The following ADAM32 variants were observed in gnomAD, a reference collection of about 807,000 sequenced individuals.
ADAM32 encodes ADAM metallopeptidase domain 32.
Under a neutral mutation model 114.9 loss-of-function variants are expected in ADAM32, and 89 were observed. The ratio of observed to expected loss-of-function variants is 0.77; its 90% CI spans 0.65 to 0.92. The LOEUF (loss-of-function observed/expected upper bound fraction) is 0.92. Ranked by LOEUF, ADAM32 falls within the 40% of genes least tolerant of loss-of-function variation. The probability of loss-of-function intolerance (pLI) is 0.00; values close to 1 mark genes in which losing one functional copy is unlikely to be tolerated. For synonymous variants in ADAM32, 285 were observed against 307.5 expected (o/e 0.93, Z 0.77); for missense variants, 870 against 932.8 (o/e 0.93, Z 0.88).
At chr8:39,149,705 GA>G in intron 4 of ADAM32, 85 bp from the exon 5 acceptor site, 1 of 936,602 alleles carries the variant, frequency 1.1e-6, no homozygotes, top group Non-Finnish European at 1.6e-6. Flanking sequence ...AAAATATTCA[GA>G]AGGTTCTATC....
chr8:39,243,934 A>G (rs970233385), intron 16 of ADAM32, among the ~76,000 whole-genome samples: 1 of 152,196 alleles, frequency 6.6e-6, no homozygotes, highest in Non-Finnish European at 1.5e-5. Context: ...AATTCAGTAA[A>G]GTTTCAGGAT....
intron 2 of ADAM32, among the ~76,000 whole-genome samples, chr8:39,132,857 T>C (rs1353063409): frequency 6.6e-6 from 1 of 152,188 alleles, no homozygotes; most frequent in Non-Finnish European, 1.5e-5. Context: ...CTTCCTTGTA[T>C]GTGATGAGTT....
At chr8:39,181,251 C>T (rs546381568) in intron 10 of ADAM32, among the ~76,000 whole-genome samples, 1 of 152,344 alleles carries the variant, frequency 6.6e-6, no homozygotes, top group Admixed American at 6.5e-5. Flanking sequence ...CGAAGATCTG[C>T]AGCTTCTCTC....
At chr8:39,175,060 A>G (rs1805438214) in intron 10 of ADAM32, among the ~76,000 whole-genome samples, 1 of 152,148 alleles carries the variant, frequency 6.6e-6, no homozygotes, top group South Asian at 2.1e-4. Context: ...CTGAAGTTGC[A>G]TATTAGCTTA....
chr8:39,199,368 A>T (rs1271318702), intron 11 of ADAM32, among the ~76,000 whole-genome samples: 5 of 152,052 alleles, frequency 3.3e-5, no homozygotes, highest in African/African-American at 4.8e-5. Flanking sequence ...ATGCTGTTTC[A>T]TGTGTCATGT....
intron 9 of ADAM32, chr8:39,169,318 G>A (rs1805050228): frequency 6.6e-6 from 1 of 152,276 alleles, no homozygotes; most frequent in Admixed American, 6.5e-5. Context: ...TACCTTGAGA[G>A]AGTTACTTAT....
chr8:39,173,432 G>GTT (rs566781349), intron 10 of ADAM32, among the ~76,000 whole-genome samples: 1 of 146,700 alleles, frequency 6.8e-6, no homozygotes, highest in South Asian at 2.2e-4. Context: ...GTGCTGTTGA[G>GTT]TTTTTTTTTT....
chr8:39,179,143 A>G (rs1377762442), intron 10 of ADAM32, among the ~76,000 whole-genome samples: 1 of 152,070 alleles, frequency 6.6e-6, no homozygotes. Flanking sequence ...CGGCTGAACC[A>G]CAGAGACTAT....
intron 2 of ADAM32, among the ~76,000 whole-genome samples, chr8:39,135,438 A>G (rs1802738026): frequency 6.6e-6 from 1 of 152,218 alleles, no homozygotes; most frequent in Admixed American, 6.5e-5. Context: ...AAAAATTGCT[A>G]AAAGACTACA....
intron 1 of ADAM32, among the ~76,000 whole-genome samples, chr8:39,111,390 A>G (rs1385887958): frequency 6.6e-6 from 1 of 152,196 alleles, no homozygotes; most frequent in Non-Finnish European, 1.5e-5. Context: ...GTTGGTTGAT[A>G]TCCACAAAAT....
intron 12 of ADAM32, chr8:39,221,329 G>A (rs935531017): frequency 3.5e-6 from 1 of 287,504 alleles, no homozygotes. Context: ...GTAGCATATA[G>A]TGAGGTCTCG....
chr8:39,194,307 G>A (rs1585507201), intron 11 of ADAM32, among the ~76,000 whole-genome samples: 2 of 152,088 alleles, frequency 1.3e-5, no homozygotes, highest in Admixed American at 1.3e-4. Context: ...TGCAAGGGTG[G>A]GGCTCATGGG....
At position 39,165,175 on chromosome 8, in the gene ADAM32, A is replaced by T. The variant is rs755988953; in HGVS notation, c.812A>T (p.His271Leu). ...CAATCTTATCTTAACCTAAGGCCTC[A>T]TGATATTGCATATCTACTAATGTAA... ...WKQSYLNLRP[H>L]DIAYLLIYMD... The change falls in exon 9 of 25, where the codon CAT becomes CTT. Residue 271 changes from histidine to leucine, a missense_variant. Transcript: ENST00000379907. The T allele has an allele frequency of 3.8e-6, 6 of 1,570,008 alleles. No homozygotes were observed. Among genetic ancestry groups the T allele is most frequent in the African/African-American group, 1.4e-5 (1 of 72,914 alleles).
intron 6 of ADAM32, among the ~76,000 whole-genome samples, chr8:39,159,826 G>A (rs1247975162): frequency 6.6e-6 from 1 of 152,024 alleles, no homozygotes; most frequent in Non-Finnish European, 1.5e-5. Context: ...TCTTCCTCTG[G>A]CACGGGAAAG....
chr8:39,119,712 G>T (rs1481684165), intron 2 of ADAM32, among the ~76,000 whole-genome samples: 1 of 151,970 alleles, frequency 6.6e-6, no homozygotes, highest in Non-Finnish European at 1.5e-5. Context: ...ATGACATTCA[G>T]TTTATCAAAT....
intron 10 of ADAM32, among the ~76,000 whole-genome samples, chr8:39,180,264 C>T (rs974009928): frequency 5.9e-5 from 9 of 152,238 alleles, no homozygotes; most frequent in East Asian, 1.9e-4. Context: ...CCTGGGCCAG[C>T]GGCTGCAGAG....
At chr8:39,272,508 C>A (rs1410607084) in intron 20 of ADAM32, among the ~76,000 whole-genome samples, 1 of 152,110 alleles carries the variant, frequency 6.6e-6, no homozygotes, top group Non-Finnish European at 1.5e-5. Context: ...TGTACAGCAT[C>A]TTATGGTATG....
chr8:39,237,282 T>C (rs527369285), intron 16 of ADAM32, among the ~76,000 whole-genome samples: 5 of 152,114 alleles, frequency 3.3e-5, no homozygotes, highest in African/African-American at 4.8e-5. Flanking sequence ...GCCAGTGGAA[T>C]TGGGGAAGGG....
At chr8:39,236,021 A>G (rs549536776) in intron 16 of ADAM32, among the ~76,000 whole-genome samples, 10 of 152,246 alleles carry the variant, frequency 6.6e-5, no homozygotes, top group Admixed American at 1.3e-4. Flanking sequence ...TTAAAAAAGT[A>G]TTATTGTACT....
Sources: allele counts gnomAD v4.1 joint callset (sites outside exome capture counted in the v4.1 genomes callset), GRCh38; gene constraint gnomAD v4.1.1; transcripts MANE v1.5; gene names NCBI Gene and HGNC (gene_info 2026-07-23, HGNC 2026-07-21).